SDK2: variants seen among roughly 807,000 people sequenced by gnomAD.
The protein encoded by SDK2 is sidekick cell adhesion molecule 2.
SDK2 carries 105 observed loss-of-function variants against 253.9 expected under a neutral mutation model. The observed-to-expected ratio is 0.41, with a 90% CI of 0.35 to 0.49. SDK2 has a LOEUF of 0.49. SDK2 is among the 20% of genes least tolerant of loss of function. The pLI is 0.06. For synonymous variants in SDK2, 1,249 were observed against 1,234.9 expected (o/e 1.01, Z -0.24); for missense variants, 2,608 against 3,003.0 (o/e 0.87, Z 3.07).
chr17:73,533,191 T>C (rs1185520299), intron 1 of SDK2, among the ~76,000 whole-genome samples: 3 of 152,184 alleles, frequency 2.0e-5, no homozygotes, highest in African/African-American at 4.8e-5. Flanking sequence ...TCGGCTGGTA[T>C]GTGTTGGCGG....
intron 5 of SDK2, among the ~76,000 whole-genome samples, chr17:73,445,162 C>T (rs1374134255): frequency 6.6e-6 from 1 of 152,118 alleles, no homozygotes; most frequent in African/African-American, 2.4e-5. Context: ...GCGTAAAATA[C>T]ACAAGGATTT....
At chr17:73,495,912 C>A (rs970605997) in intron 2 of SDK2, among the ~76,000 whole-genome samples, 2 of 152,212 alleles carry the variant, frequency 1.3e-5, no homozygotes, top group Non-Finnish European at 2.9e-5. Flanking sequence ...TCAATTTATG[C>A]CCATCATAAC....
At chr17:73,560,902 G>C (rs1038354391) in intron 1 of SDK2, among the ~76,000 whole-genome samples, 7 of 152,164 alleles carry the variant, frequency 4.6e-5, no homozygotes, top group Admixed American at 2.0e-4. Flanking sequence ...GCAAGGACTT[G>C]TGGCAGGAGA....
chr17:73,440,941 G>A lies in SDK2; in HGVS notation c.614-18C>T, dbSNP rs2063410838. The A allele has an allele frequency of 6.6e-7, 1 of 1,517,046 alleles. No homozygotes were observed. The highest frequency in any genetic ancestry group is 2.0e-5 in the Admixed American group (1 of 50,556). The allele number at this position is 1,517,046 out of a possible 1,614,324, so 94.0% of individuals were successfully genotyped here. A position where few individuals can be genotyped will look rare whatever the true frequency, so the allele number is the denominator to read the frequency against. On this transcript the variant is annotated intron_variant, in intron 5 of 44. Transcript: ENST00000392650. The stretch of plus-strand genomic sequence containing the variant: ...CCCTACATCTGGAGAGAGATCAGAT[G>A]TTAGCTGGGGGCGAGGCTGGAAATC...
intron 1 of SDK2, among the ~76,000 whole-genome samples, chr17:73,640,273 G>T (rs185879057): frequency 2.0e-5 from 3 of 150,304 alleles, no homozygotes; most frequent in Non-Finnish European, 4.4e-5. Context: ...TGTGTGGGGG[G>T]GTCGAGGGTG....
At chr17:73,515,691 TG>T (rs1214215936) in intron 1 of SDK2, among the ~76,000 whole-genome samples, 1 of 152,218 alleles carries the variant, frequency 6.6e-6, no homozygotes, top group African/African-American at 2.4e-5. Flanking sequence ...GGGGCTAAGC[TG>T]GGGGACCCCA....
intron 42 of SDK2, 74 bp downstream of exon 42, chr17:73,350,576 C>CA: frequency 4.0e-6 from 6 of 1,507,490 alleles, no homozygotes; most frequent in Non-Finnish European, 4.5e-6. Flanking sequence ...GGGACCTGAT[C>CA]ACCCCTGTTC....
Position 73,449,625 on chromosome 17 carries a change from T to C in SDK2, c.480-1877A>G, listed in dbSNP as rs1193813251. ...CTCTTTTTTTTTTTTTTTTTTTTTT[T>C]CTGGAGAGCTCTTGGCTGGGCACAG... On this transcript the variant is annotated intron_variant, in intron 4 of 44. Transcript: ENST00000392650. Among the ~76,000 whole-genome samples the C allele has an allele frequency of 2.8e-3, 247 of 88,776 alleles. 2 individuals are homozygous for C. Among genetic ancestry groups the C allele is most frequent in the African/African-American group, 9.3e-3 (231 of 24,886 alleles). 58.2% of individuals were successfully genotyped at this position (88,776 alleles called of 152,430 possible).
chr17:73,350,613 C>T, intron 42 of SDK2, 37 bp downstream of exon 42: 5 of 1,591,362 alleles, frequency 3.1e-6, no homozygotes, highest in Non-Finnish European at 4.3e-6. Flanking sequence ...ACATAAAACT[C>T]AAGTCCAGCC....
intron 1 of SDK2, among the ~76,000 whole-genome samples, chr17:73,522,976 G>A (rs1403750375): frequency 6.6e-5 from 10 of 152,178 alleles, no homozygotes; most frequent in Non-Finnish European, 1.5e-4. Context: ...GCCCTGTCCC[G>A]GCTGTGGCTG....
chr17:73,643,957 T>TGCCC lies in SDK2; in HGVS notation c.64+67_64+68insGGGC. On this transcript the variant is annotated intron_variant, in intron 1 of 44. Transcript: ENST00000392650. This position sits in a 1 kb window ranked among gnomAD's most constrained non-coding sequence, Gnocchi z 6.9. ...GGAGGTCACCGTGAGGCCGGCCAGC[T>TGCCC]CCCGCCGCCCCTCCCCCGCCCACTC... is the stretch of plus-strand genomic sequence containing the variant. 41 of 1,019,902 alleles carry TGCCC rather than the reference T, an allele frequency of 4.0e-5. No individual in the cohort carries two copies. Among genetic ancestry groups the TGCCC allele is most frequent in the Middle Eastern group, 3.1e-4 (1 of 3,210 alleles). The allele number at this position is 1,019,902 out of a possible 1,614,324, so 63.2% of individuals were successfully genotyped here.
intron 1 of SDK2, among the ~76,000 whole-genome samples, chr17:73,513,440 A>G (rs2063997454): frequency 6.6e-6 from 1 of 152,208 alleles, no homozygotes; most frequent in Non-Finnish European, 1.5e-5. Context: ...CCAAGATGTA[A>G]AAGTGTGATA....
chr17:73,590,340 C>T (rs375909650), intron 1 of SDK2, among the ~76,000 whole-genome samples: 6 of 152,194 alleles, frequency 3.9e-5, no homozygotes, highest in Admixed American at 2.6e-4. Flanking sequence ...CCTCCTTCCC[C>T]GGCATTCGCT....
intron 1 of SDK2, among the ~76,000 whole-genome samples, chr17:73,627,387 A>G (rs900075761): frequency 6.6e-6 from 1 of 152,170 alleles, no homozygotes; most frequent in African/African-American, 2.4e-5. Flanking sequence ...GATGAAAAGG[A>G]ACACTGTATT....
chr17:73,607,004 G>T (rs2045916679), intron 1 of SDK2, among the ~76,000 whole-genome samples: 1 of 152,206 alleles, frequency 6.6e-6, no homozygotes, highest in African/African-American at 2.4e-5. Flanking sequence ...CAATATTCAA[G>T]CTAGACCATG....
At chr17:73,362,475 C>T (rs976114585) in intron 38 of SDK2, among the ~76,000 whole-genome samples, 1 of 151,750 alleles carries the variant, frequency 6.6e-6, no homozygotes, top group Non-Finnish European at 1.5e-5. Context: ...ACTGTAGCCT[C>T]GACCTCCTGG....
chr17:73,573,316 G>A (rs572950291), intron 1 of SDK2, among the ~76,000 whole-genome samples: 1 of 152,266 alleles, frequency 6.6e-6, no homozygotes, highest in African/African-American at 2.4e-5. Flanking sequence ...GAGCTCCAGC[G>A]TGGTGGGCTG....
intron 18 of SDK2, among the ~76,000 whole-genome samples, chr17:73,406,572 A>T (rs2063081265): frequency 6.6e-6 from 1 of 152,178 alleles, no homozygotes; most frequent in African/African-American, 2.4e-5. Context: ...TATTAAAAAA[A>T]TGGAAGAAAA....
chr17:73,643,738 G>A lies in SDK2; in HGVS notation c.64+287C>T, dbSNP rs375050890. ...CCGGCGCAGGGCAGCCACAGCAGAC[G>A]GGGGGAGGGGAGCGCCCCTCCCACT... On this transcript the variant is annotated intron_variant, in intron 1 of 44. Coordinates refer to ENST00000392650, the MANE Select transcript of SDK2 (RefSeq NM_001144952.2). This position sits in a 1 kb window ranked among gnomAD's most constrained non-coding sequence, Gnocchi z 6.9. Among the ~76,000 whole-genome samples the A allele has an allele frequency of 6.6e-6, 1 of 152,022 alleles. No individual in the cohort carries two copies. The highest frequency in any genetic ancestry group is 2.4e-5 in the African/African-American group (1 of 41,442).
Sources: gnomAD v4.1 joint callset for allele counts (sites outside exome capture counted in the v4.1 genomes callset) on GRCh38, gnomAD v4.1.1 for gene constraint, Gnocchi (gnomAD v3.1) non-coding constraint, MANE v1.5 for transcripts, NCBI Gene and HGNC (gene_info 2026-07-23, HGNC 2026-07-21) for gene names.